Variants in ARVCF observed in about 807,000 individuals in gnomAD.
ARVCF encodes splicing regulator ARVCF.
A neutral mutation model predicts 90.9 loss-of-function variants in ARVCF; 66 were observed. The observed-to-expected ratio is 0.73, with a 90% CI of 0.60 to 0.89. The LOEUF (loss-of-function observed/expected upper bound fraction) is 0.89, where lower values mean the gene tolerates loss of function less well. Ranked by LOEUF, ARVCF falls within the 40% of genes least tolerant of loss-of-function variation. The pLI is 0.00. For missense variants in ARVCF, 1,469 were observed against 1,382.3 expected (o/e 1.06, Z -1.00); for synonymous variants, 653 against 603.4 (o/e 1.08, Z -1.21).
chr22:19,981,479 T>C lies in ARVCF; in HGVS notation c.628A>G (p.Met210Val). 1 of 1,547,014 alleles carries C rather than the reference T, an allele frequency of 6.5e-7. No individual in the cohort carries two copies. Among genetic ancestry groups the C allele is most frequent in the Non-Finnish European group, 8.7e-7 (1 of 1,148,648 alleles). ...AGGGGGCCAGCACGTGGGGGCCGCA[T>C]GCCCAGCCCTCGGGACAGGCTGCCA... ...SYGSLSRGLGMRPPRAGPLGP... is the reference protein window; with the variant it reads ...SYGSLSRGLGVRPPRAGPLGP... Residue 210 changes from methionine (M) to valine (V), a missense_variant, in exon 5 of 20, where the codon ATG becomes GTG. Transcript: ENST00000263207.
At chr22:19,992,554 C>A (rs1216475462) in intron 2 of ARVCF, among the ~76,000 whole-genome samples, 2 of 152,166 alleles carry the variant, frequency 1.3e-5, no homozygotes, top group Admixed American at 1.3e-4. Flanking sequence ...CCCCCTGGGA[C>A]GGCCAGGGCG....
chr22:19,976,789 C>G (rs941867189), intron 9 of ARVCF, 66 bp from the exon 10 acceptor site: 37 of 1,534,826 alleles, frequency 2.4e-5, no homozygotes, highest in Non-Finnish European at 3.2e-5. Context: ...CATCACCCCC[C>G]CATGCCCTCC....
chr22:19,997,823 G>A (rs1274231718), intron 2 of ARVCF, among the ~76,000 whole-genome samples: 2 of 152,220 alleles, frequency 1.3e-5, no homozygotes, highest in African/African-American at 4.8e-5. Context: ...TACTAAGTGG[G>A]CCGGACATTG....
At chr22:19,998,326 G>C (rs2146426971) in intron 2 of ARVCF, among the ~76,000 whole-genome samples, 1 of 152,372 alleles carries the variant, frequency 6.6e-6, no homozygotes, top group Admixed American at 6.5e-5. Flanking sequence ...CTGAGGGACA[G>C]AGCCTCTTTG....
Position 19,980,059 on chromosome 22 carries a change from C to A in ARVCF, c.1080G>T (p.Leu360=). 1 of 1,583,042 alleles carries A rather than the reference C, an allele frequency of 6.3e-7. No homozygotes were observed. The highest frequency in any genetic ancestry group is 1.1e-5 in the South Asian group (1 of 88,570). ...GCCGCAGCATGGCCAGCACCTCAGG[C>A]AGCTCAGGGTCCCGCCAGCGCGGCT... ...RKEPRWRDPE[L]PEVLAMLRHP... is the part of the protein sequence containing the mutation. Residue 360 remains leucine (L), a synonymous_variant, in exon 6 of 20, where the codon CTG becomes CTT. Transcript: ENST00000263207.
intron 2 of ARVCF, among the ~76,000 whole-genome samples, chr22:20,003,059 C>A (rs1396094494): frequency 6.6e-6 from 1 of 152,006 alleles, no homozygotes; most frequent in African/African-American, 2.4e-5. Context: ...CTTTGTATAA[C>A]ATTAAAATAA....
chr22:19,973,250 G>A lies in ARVCF; in HGVS notation c.2307C>T (p.Ala769=). 1 of 1,610,414 alleles carries A rather than the reference G, an allele frequency of 6.2e-7. No individual in the cohort carries two copies. The change falls in exon 14 of 20, where the codon GCC becomes GCT. Residue 769 remains alanine (A), a synonymous_variant. Transcript: ENST00000263207. Reference sequence around the variant, plus strand: ...CCACCACGGTGTCTTCCTCCAGGCAGGCCCCCGGTCGCGGCGGAGCCTGTG... The same window carrying A: ...CCACCACGGTGTCTTCCTCCAGGCAAGCCCCCGGTCGCGGCGGAGCCTGTG... ...RNAQAPPRPG[A]CLEEDTVVAV... is the part of the protein sequence containing the mutation.
At chr22:19,988,884 G>A (rs1046270697) in intron 3 of ARVCF, among the ~76,000 whole-genome samples, 3 of 152,170 alleles carry the variant, frequency 2.0e-5, no homozygotes, top group African/African-American at 7.2e-5. Flanking sequence ...CAGGGGCAGG[G>A]GTGGTAGGTG....
intron 9 of ARVCF, 21 bp downstream of exon 9, chr22:19,977,394 A>G (rs1160232284): frequency 2.0e-6 from 3 of 1,492,278 alleles, no homozygotes; most frequent in African/African-American, 2.8e-5. Context: ...TAGAGATGAT[A>G]CCCCAGTCCG....
rs375396513 is a variant in ARVCF at position 19,977,500 on chromosome 22, G to A, written c.1785C>T (p.Ala595=). The change falls in exon 9 of 20, where the codon GCC becomes GCT. Residue 595 remains alanine (A), a synonymous_variant. Coordinates refer to ENST00000263207, the MANE Select transcript of ARVCF (RefSeq NM_001670.3). Reference sequence around the variant, plus strand: ...CAGCACTGCCCAGGGGCCCGGGCTCGGCCTCCTGGTACCTGTCGGCCCCGG... The same window carrying A: ...CAGCACTGCCCAGGGGCCCGGGCTCAGCCTCCTGGTACCTGTCGGCCCCGG... ...EVPGADRYQE[A]EPGPLGSAVG... The A allele has an allele frequency of 8.1e-6, 13 of 1,598,654 alleles. No individual in the cohort carries two copies. Among genetic ancestry groups the A allele is most frequent in the African/African-American group, 5.4e-5 (4 of 74,382 alleles).
At chr22:19,977,621 C>T in intron 8 of ARVCF, 35 bp from the exon 9 acceptor site, 3 of 1,498,292 alleles carry the variant, frequency 2.0e-6, no homozygotes, top group Non-Finnish European at 1.8e-6. Flanking sequence ...GGCAGGGCAC[C>T]CTAGGCACAG....
intron 6 of ARVCF, chr22:19,979,526 G>A: frequency 1.4e-6 from 1 of 709,340 alleles, no homozygotes. Flanking sequence ...TGCCCGAGGG[G>A]CGCAGCGTCA....
intron 2 of ARVCF, among the ~76,000 whole-genome samples, chr22:19,998,737 G>C (rs1944343554): frequency 6.6e-6 from 1 of 152,218 alleles, no homozygotes; most frequent in Non-Finnish European, 1.5e-5. Context: ...AACAGTGCCT[G>C]GTGGGAGATG....
Position 19,981,255 on chromosome 22 carries a change from C to G in ARVCF, c.852G>C (p.Thr284=). 1 of 1,561,982 alleles carries G rather than the reference C, an allele frequency of 6.4e-7. No individual in the cohort carries two copies. Among genetic ancestry groups the G allele is most frequent in the Non-Finnish European group, 8.7e-7 (1 of 1,154,242 alleles). Residue 284 remains threonine (T), a synonymous_variant, in exon 5 of 20, where the codon ACG becomes ACC. Transcript: ENST00000263207. ...CACACTCAGGCCTCCTCCTTGTGGC[C>G]GTGCCATAGTCAGGCTCCAGCTCAG... ...GGPELEPDYG[T]ATRRRPECGR...
chr22:20,005,951 T>C (rs889269460), intron 2 of ARVCF, among the ~76,000 whole-genome samples: 1 of 152,206 alleles, frequency 6.6e-6, no homozygotes, highest in Non-Finnish European at 1.5e-5. Flanking sequence ...AGATATACAA[T>C]GGAATATCAG....
rs751617272 is a variant in ARVCF, at chr22:19,971,317, C to G, written c.2800G>C (p.Ala934Pro). 1.2e-5 allele frequency: 19 copies of G among 1,554,782 alleles called. No individual in the cohort carries two copies. In the African/African-American group the frequency reaches 2.0e-4, roughly 17 times the overall value. ...EPLKLDPSRKAPPPGPSRPAV... is the reference protein window; with the variant it reads ...EPLKLDPSRKPPPPGPSRPAV... The stretch of plus-strand genomic sequence containing the variant: ...GGCCTGCTGGGCCCGGGGGGAGGGG[C>G]CTTCCTGCTGGGGTCGAGCTGCAGC... The change falls in exon 19 of 20, where the codon GCC becomes CCC. Residue 934 changes from alanine to proline, a missense_variant. By Grantham distance (27) the Ala-to-Pro change is conservative. Transcript: ENST00000263207.
chr22:19,967,596 TG>T, downstream of ARVCF: 1 of 363,278 alleles, frequency 2.8e-6, no homozygotes, highest in Non-Finnish European at 5.4e-6. Flanking sequence ...GCAAGCCCTG[TG>T]GGACTCTCCA....
At chr22:19,991,527 C>T (rs990711012) in intron 2 of ARVCF, among the ~76,000 whole-genome samples, 4 of 152,266 alleles carry the variant, frequency 2.6e-5, no homozygotes, top group Non-Finnish European at 5.9e-5. Flanking sequence ...GACCATAAGC[C>T]TGAAGTGGCT....
At chr22:19,969,598 A>C (rs1438692937), downstream of ARVCF, 1 of 154,188 alleles carries the variant, frequency 6.5e-6, no homozygotes, top group East Asian at 1.9e-4. Context: ...CAGGACAGGA[A>C]TCAACCCTGT....
Sources: allele counts gnomAD v4.1 joint callset (sites outside exome capture counted in the v4.1 genomes callset), GRCh38; gene constraint gnomAD v4.1.1; transcripts MANE v1.5; gene names NCBI Gene and HGNC (gene_info 2026-07-23, HGNC 2026-07-21).